Variants in ADCY8 observed in about 807,000 individuals in gnomAD.
ADCY8 encodes adenylate cyclase 8.
In ADCY8, 51 loss-of-function variants were observed where a neutral mutation model predicts 119.7. The observed-to-expected ratio is 0.43, with a 90% CI of 0.34 to 0.54. The LOEUF (loss-of-function observed/expected upper bound fraction) is 0.54. Among genes scored for constraint, ADCY8 ranks in the 20% least tolerant of loss-of-function variants. The probability of loss-of-function intolerance (pLI) is 0.03; values close to 1 mark genes in which losing one functional copy is unlikely to be tolerated. For synonymous variants in ADCY8, 665 were observed against 651.0 expected (o/e 1.02, Z -0.33); for missense variants, 1,383 against 1,598.8 (o/e 0.87, Z 2.30).
intron 9 of ADCY8, among the ~76,000 whole-genome samples, chr8:130,851,747 A>G (rs2130325248): frequency 6.6e-6 from 1 of 152,268 alleles, no homozygotes; most frequent in Non-Finnish European, 1.5e-5. Context: ...TATTTGAGAG[A>G]GGGAAGTCAT....
At chr8:130,808,923 T>C (rs263250) in intron 14 of ADCY8, among the ~76,000 whole-genome samples, 78,680 of 151,940 alleles carry the variant, frequency 0.52, 21,180 homozygotes, top group East Asian at 0.65. Context: ...GATGAGCCAG[T>C]GGGTTTCCCG....
chr8:130,829,845 C>T (rs1233342987), intron 12 of ADCY8, among the ~76,000 whole-genome samples: 2 of 152,230 alleles, frequency 1.3e-5, no homozygotes, highest in African/African-American at 2.4e-5. Context: ...ATTTCAGCAA[C>T]ATCTGGTGGA....
chr8:130,849,418 C>T (rs1242983415), intron 10 of ADCY8, among the ~76,000 whole-genome samples, 184 bp downstream of exon 10: 1 of 152,148 alleles, frequency 6.6e-6, no homozygotes, highest in Non-Finnish European at 1.5e-5. Context: ...AGTTTTCCAA[C>T]AGTAAAATGC....
intron 16 of ADCY8, among the ~76,000 whole-genome samples, chr8:130,784,339 C>G (rs1006419477): frequency 3.9e-5 from 6 of 152,122 alleles, no homozygotes; most frequent in African/African-American, 1.4e-4. Context: ...TACAAAACTC[C>G]TAAGGGAAGT....
intron 5 of ADCY8, among the ~76,000 whole-genome samples, chr8:130,920,686 G>T (rs1820274771): frequency 6.6e-6 from 1 of 152,218 alleles, no homozygotes; most frequent in African/African-American, 2.4e-5. Context: ...TTAGGCCTTT[G>T]TATCCAGATA....
rs370972386 is a variant in ADCY8, at chr8:131,033,062, T to G, written c.960+6312A>C. ...TTCAGAAGTGATAAGTCAAGTGAAC[T>G]GCTATGTTGTCCAGCTGCATATTCT... On this transcript the variant is annotated intron_variant, in intron 1 of 17. Transcript: ENST00000286355. 7.9e-5 allele frequency among the ~76,000 whole-genome samples: 12 copies of G among 152,320 alleles called. No homozygotes were observed. In the South Asian group the frequency reaches 2.5e-3, roughly 32 times the overall value.
At chr8:131,006,449 T>C (rs977199422) in intron 1 of ADCY8, among the ~76,000 whole-genome samples, 1 of 152,222 alleles carries the variant, frequency 6.6e-6, no homozygotes, top group African/African-American at 2.4e-5. Context: ...AATGATTTCC[T>C]GGGCAGTGGG....
intron 4 of ADCY8, among the ~76,000 whole-genome samples, chr8:130,940,421 CA>C (rs1820922098): frequency 6.6e-6 from 1 of 152,112 alleles, no homozygotes; most frequent in South Asian, 2.1e-4. Context: ...ATTCTTCCAA[CA>C]AAATGTGGAG....
intron 6 of ADCY8, 21 bp from the exon 7 acceptor site, chr8:130,904,063 T>C: frequency 6.2e-7 from 1 of 1,600,778 alleles, no homozygotes; most frequent in Non-Finnish European, 8.5e-7. Flanking sequence ...AAGGCATAGG[T>C]CATTACACAC....
intron 1 of ADCY8, among the ~76,000 whole-genome samples, chr8:130,992,158 C>A (rs563701293): frequency 6.6e-6 from 1 of 150,678 alleles, no homozygotes; most frequent in African/African-American, 2.4e-5. Context: ...TGGTTCACTG[C>A]AACCTCTGCC....
intron 13 of ADCY8, among the ~76,000 whole-genome samples, chr8:130,819,933 C>G (rs1464912560): frequency 6.6e-6 from 1 of 152,212 alleles, no homozygotes; most frequent in Non-Finnish European, 1.5e-5. Flanking sequence ...TTGTTCTGCT[C>G]TGATCAGCCC....
At chr8:130,862,598 A>G (rs1817974841) in intron 9 of ADCY8, among the ~76,000 whole-genome samples, 1 of 152,048 alleles carries the variant, frequency 6.6e-6, no homozygotes, top group Admixed American at 6.6e-5. Context: ...ATTTTTTAGT[A>G]GAGACGGGGT....
chr8:130,856,937 A>T (rs543042921), intron 9 of ADCY8, among the ~76,000 whole-genome samples: 2 of 152,184 alleles, frequency 1.3e-5, no homozygotes, highest in Non-Finnish European at 2.9e-5. Context: ...GGCAAAAGTC[A>T]TTAGTAACTT....
intron 16 of ADCY8, among the ~76,000 whole-genome samples, chr8:130,784,165 C>T (rs933087253): frequency 1.3e-4 from 20 of 151,122 alleles, no homozygotes; most frequent in African/African-American, 4.1e-4. Flanking sequence ...TGTGGGTGGC[C>T]GTGAGTGTAT....
chr8:131,015,244 TAAC>T (rs1823433874), intron 1 of ADCY8, among the ~76,000 whole-genome samples: 1 of 152,062 alleles, frequency 6.6e-6, no homozygotes, highest in African/African-American at 2.4e-5. Context: ...AAAGAAAAAA[TAAC>T]ATTTTATTTG....
At chr8:130,960,228 T>C (rs529501604) in intron 2 of ADCY8, among the ~76,000 whole-genome samples, 1 of 152,150 alleles carries the variant, frequency 6.6e-6, no homozygotes, top group African/African-American at 2.4e-5. Flanking sequence ...TTGTAAAGGA[T>C]GGAACCTTGG....
rs180881284 is a variant in ADCY8 at position 131,005,284 on chromosome 8, G to T, written c.961-14742C>A. Among the ~76,000 whole-genome samples, 5 of 152,302 alleles carry T rather than the reference G, an allele frequency of 3.3e-5. No homozygotes were observed. In the East Asian group the frequency reaches 9.7e-4, roughly 29 times the overall value. On this transcript the variant is annotated intron_variant, in intron 1 of 17. Coordinates refer to ENST00000286355, the MANE Select transcript of ADCY8 (RefSeq NM_001115.3). ...GCTGTCTACAAAATACTTAGTATTT[G>T]CCTGATACACAGTAAATATCCCAAA...
In ADCY8 at chr8:130,987,459, G is replaced by A. The variant is rs529292191; in HGVS notation, c.1110+2934C>T. Among the ~76,000 whole-genome samples the A allele has an allele frequency of 4.7e-3, 715 of 151,672 alleles. 6 individuals are homozygous for A. The highest frequency in any genetic ancestry group is 0.017 in the African/African-American group (689 of 41,480). ...ACCCTCCATAAAGAAATTAATTCAC[G>A]GTTGAACAAATTAAATAATTATTTT... On this transcript the variant is annotated intron_variant, in intron 2 of 17. Coordinates refer to ENST00000286355, the MANE Select transcript of ADCY8 (RefSeq NM_001115.3).
At chr8:130,938,203 G>T (rs934851001) in intron 4 of ADCY8, among the ~76,000 whole-genome samples, 4 of 152,060 alleles carry the variant, frequency 2.6e-5, no homozygotes, top group Non-Finnish European at 4.4e-5. Flanking sequence ...TGGCCTTCAG[G>T]TGCCTCATCT....
Sources: gnomAD v4.1 joint callset for allele counts (sites outside exome capture counted in the v4.1 genomes callset) on GRCh38, gnomAD v4.1.1 for gene constraint, MANE v1.5 for transcripts, NCBI Gene and HGNC (gene_info 2026-07-23, HGNC 2026-07-21) for gene names.